SLC5A11: variants seen among roughly 807,000 people sequenced by gnomAD.
SLC5A11 encodes the protein sodium/myo-inositol cotransporter 2.
Under a neutral mutation model 69.8 loss-of-function variants are expected in SLC5A11, and 48 were observed. The observed-to-expected ratio is 0.69, with a 90% CI of 0.55 to 0.87. The LOEUF (loss-of-function observed/expected upper bound fraction) is 0.87. Ranked by LOEUF, SLC5A11 falls within the 40% of genes least tolerant of loss-of-function variation. SLC5A11 has a pLI of 0.00. For synonymous variants in SLC5A11, 319 were observed against 342.4 expected (o/e 0.93, Z 0.75); for missense variants, 784 against 866.1 (o/e 0.91, Z 1.19).
rs531117942 is a variant in SLC5A11, at chr16:24,896,609, T to C, written c.871-1365T>C. 7.2e-5 allele frequency among the ~76,000 whole-genome samples: 11 copies of C among 152,346 alleles called. No individual in the cohort carries two copies. In the South Asian group the frequency reaches 2.1e-3, roughly 29 times the overall value. On this transcript the variant is annotated intron_variant, in intron 9 of 15. Coordinates refer to ENST00000347898, the Ensembl canonical transcript of SLC5A11. ...GTTACTATGTGTCATATTCTAAGTA[T>C]TCTAAGTACTTTCACTTCTCTAATT...
Position 24,877,456 on chromosome 16 carries a change from T to C in SLC5A11, c.583+93T>C, listed in dbSNP as rs534176119. 6.5e-6 allele frequency: 6 copies of C among 926,170 alleles called. No individual in the cohort carries two copies. In the Admixed American group the frequency reaches 7.5e-5, roughly 12 times the overall value. 57.4% of individuals were successfully genotyped at this position (926,170 alleles called of 1,614,324 possible). A position where few individuals can be genotyped will look rare whatever the true frequency, so the allele number is the denominator to read the frequency against. Reference sequence around the variant, plus strand: ...TCCTTGCCCATCTTCTGATGTTCCATTGTGCTAAGACCCATTTATTCATTA... The same window carrying C: ...TCCTTGCCCATCTTCTGATGTTCCACTGTGCTAAGACCCATTTATTCATTA... On this transcript the variant is annotated intron_variant, in intron 7 of 15. Coordinates refer to ENST00000347898, the Ensembl canonical transcript of SLC5A11.
chr16:24,891,011 C>T, exon 9 of SLC5A11: 1 of 1,614,230 alleles, frequency 6.2e-7, no homozygotes, highest in Non-Finnish European at 8.5e-7. Context: ...CATCTGATCT[C>T]CCGTGGCCGG....
At chr16:24,890,483 C>CAAAAAAAAAAAAAAAAAAAAAAAAAA (rs1171814653) in intron 8 of SLC5A11, among the ~76,000 whole-genome samples, 1 of 77,506 alleles carries the variant, frequency 1.3e-5, no homozygotes, top group African/African-American at 6.2e-5. Context: ...GACTTCATAT[C>CAAAAAAAAAAAAAAAAAAAAAAAAAA]AAAAAAAAAA....
At chr16:24,888,884 C>T (rs1415699863) in intron 8 of SLC5A11, among the ~76,000 whole-genome samples, 1 of 148,892 alleles carries the variant, frequency 6.7e-6, no homozygotes, top group Non-Finnish European at 1.5e-5. Flanking sequence ...GCAACCTCCA[C>T]CTCCCGGGTT....
chr16:24,895,331 A>G (rs1489917629), intron 9 of SLC5A11, among the ~76,000 whole-genome samples: 1 of 151,540 alleles, frequency 6.6e-6, no homozygotes, highest in African/African-American at 2.4e-5. Flanking sequence ...TCTACTAAAA[A>G]TACAAAAATT....
Position 24,908,928 on chromosome 16 carries a change from G to T in SLC5A11, c.1482G>T (p.Arg494Ser), listed in dbSNP as rs866293077. 5.0e-6 allele frequency: 8 copies of T among 1,613,946 alleles called. No homozygotes were observed. In the Admixed American group the frequency reaches 8.3e-5, roughly 17 times the overall value. ...CGGGCCTGCTCCTGGGCTTGGTTAGGCTGGTCCTGGACTTTATTTACGTGC... is the reference window on the plus strand; with the variant it reads ...CGGGCCTGCTCCTGGGCTTGGTTAGTCTGGTCCTGGACTTTATTTACGTGC... Residue 494 changes from arginine to serine, a missense_variant, in exon 14 of 16, where the codon AGG becomes AGT. Around this residue, in one of 3 missense-constraint regions of SLC5A11, gnomAD observed 550 missense variants for 606.4 expected, o/e 0.91. Transcript: ENST00000347898.
chr16:24,901,237 C>A (rs2049567800), intron 10 of SLC5A11, among the ~76,000 whole-genome samples: 1 of 152,094 alleles, frequency 6.6e-6, no homozygotes. Flanking sequence ...ACATGTATTA[C>A]CTCATTTCAT....
At chr16:24,881,825 T>C (rs574748113) in intron 7 of SLC5A11, among the ~76,000 whole-genome samples, 1 of 138,940 alleles carries the variant, frequency 7.2e-6, no homozygotes, top group East Asian at 2.2e-4. Flanking sequence ...CCCGTGGCAC[T>C]GTGCTAAGCA....
At chr16:24,905,202 A>G (rs558522093) in intron 10 of SLC5A11, among the ~76,000 whole-genome samples, 81 of 150,052 alleles carry the variant, frequency 5.4e-4, no homozygotes, top group African/African-American at 2.0e-3. Flanking sequence ...GGCGGGAGGA[A>G]CACTTGAGGC....
intron 9 of SLC5A11, among the ~76,000 whole-genome samples, chr16:24,893,987 CA>C (rs1199071100): frequency 6.6e-6 from 1 of 152,180 alleles, no homozygotes; most frequent in African/African-American, 2.4e-5. Context: ...TTTCATCTAA[CA>C]ATAGCAGTGA....
chr16:24,892,856 G>A (rs2048905213), intron 9 of SLC5A11, among the ~76,000 whole-genome samples: 2 of 152,138 alleles, frequency 1.3e-5, no homozygotes, highest in Non-Finnish European at 1.5e-5. Flanking sequence ...AGGCAGTGAT[G>A]AGAGCAATGC....
rs2050442904 is a variant in SLC5A11 at position 24,910,539 on chromosome 16, T to C, written c.1822+62T>C. 8 of 1,526,596 alleles carry C rather than the reference T, an allele frequency of 5.2e-6. No homozygotes were observed. The Admixed American group carries it at 1.7e-4, about 33-fold the overall frequency. 94.6% of individuals were successfully genotyped at this position (1,526,596 alleles called of 1,614,324 possible). On this transcript the variant is annotated intron_variant, in intron 15 of 15. Coordinates refer to ENST00000347898, the Ensembl canonical transcript of SLC5A11. ...GTACGTGTTAAAGGGATTGATTTTT[T>C]TTTTTTTCCTATCAAATCACAAGCC... is the stretch of plus-strand genomic sequence containing the variant.
intron 3 of SLC5A11, among the ~76,000 whole-genome samples, chr16:24,866,317 G>A (rs2046911109): frequency 2.0e-5 from 3 of 151,370 alleles, no homozygotes. Context: ...ATACAAATAG[G>A]GCTGGGCATG....
chr16:24,910,808 G>C (rs191201288), intron 15 of SLC5A11, among the ~76,000 whole-genome samples: 1 of 152,062 alleles, frequency 6.6e-6, no homozygotes, highest in South Asian at 2.1e-4. Context: ...CTAAACTGGC[G>C]GCTTGCAGAC....
At chr16:24,911,378 T>A (rs1176366986) in exon 16 of SLC5A11, 1 of 1,614,076 alleles carries the variant, frequency 6.2e-7, no homozygotes, top group South Asian at 1.1e-5. Context: ...CCTGTGGCTC[T>A]GTGGAATACA....
chr16:24,851,357 A>T (rs1307702233), intron 1 of SLC5A11, among the ~76,000 whole-genome samples: 6 of 151,282 alleles, frequency 4.0e-5, no homozygotes, highest in African/African-American at 1.5e-4. Context: ...TACTAAAAAT[A>T]CAAAAAAAGA....
In SLC5A11 at chr16:24,884,775, C is replaced by T. The variant is rs72770466; in HGVS notation, c.664+644C>T. 2.8e-3 allele frequency among the ~76,000 whole-genome samples: 420 copies of T among 152,100 alleles called. 2 individuals are homozygous for T. Among genetic ancestry groups the T allele is most frequent in the Non-Finnish European group, 4.8e-3 (325 of 67,992 alleles). On this transcript the variant is annotated intron_variant, in intron 8 of 15. Coordinates refer to ENST00000347898, the Ensembl canonical transcript of SLC5A11. ...GTTTGTTTCGAGACAGGGTATCACT[C>T]TGCCACCCAGGCTGAAGTGCAGTGA...
intron 1 of SLC5A11, among the ~76,000 whole-genome samples, chr16:24,852,682 G>T (rs971321606): frequency 6.6e-6 from 1 of 152,220 alleles, no homozygotes; most frequent in African/African-American, 2.4e-5. Flanking sequence ...CACACAGGGT[G>T]CAGGGGACTG....
Position 24,855,248 on chromosome 16 carries a change from A to G in SLC5A11, c.-24-3372A>G, listed in dbSNP as rs185119008. On this transcript the variant is annotated intron_variant, in intron 1 of 15. Coordinates refer to ENST00000347898, the Ensembl canonical transcript of SLC5A11. Reference sequence around the variant, plus strand: ...ATGCAATAGTATTAAGAGGCAGGGCATTTGAGAGGGTTAGGGTTATGAGGA... The same window carrying G: ...ATGCAATAGTATTAAGAGGCAGGGCGTTTGAGAGGGTTAGGGTTATGAGGA... Among the ~76,000 whole-genome samples the G allele has an allele frequency of 1.2e-3, 186 of 152,188 alleles. 1 individual carries two copies. The highest frequency in any genetic ancestry group is 4.3e-3 in the African/African-American group (178 of 41,512).
Sources: gnomAD v4.1 joint callset for allele counts (sites outside exome capture counted in the v4.1 genomes callset) on GRCh38, gnomAD v4.1.1 for gene constraint, gnomAD v4.1.1 regional missense constraint, MANE v1.5 for transcripts, NCBI Gene and HGNC (gene_info 2026-07-23, HGNC 2026-07-21) for gene names.